The following DGKB variants were observed in gnomAD, a reference collection of about 807,000 sequenced individuals.
The protein encoded by DGKB is diacylglycerol kinase beta.
In DGKB, 67 loss-of-function variants were observed where a neutral mutation model predicts 114.3. That is an observed-to-expected ratio of 0.59 (90% CI 0.48 to 0.72). The LOEUF is 0.72. Ranked by LOEUF, DGKB falls within the 30% of genes least tolerant of loss-of-function variation. The probability of loss-of-function intolerance (pLI) is 0.00; values close to 1 mark genes in which losing one functional copy is unlikely to be tolerated. For synonymous variants in DGKB, 398 were observed against 323.1 expected (o/e 1.23, Z -2.49); for missense variants, 907 against 975.2 (o/e 0.93, Z 0.93).
At chr7:14,849,307 T>G (rs1275527093) in intron 1 of DGKB, among the ~76,000 whole-genome samples, 1 of 147,946 alleles carries the variant, frequency 6.8e-6, no homozygotes, top group Non-Finnish European at 1.5e-5. Context: ...AATTTGAATA[T>G]TTGTCCCCCT....
At chr7:14,531,137 C>G (rs10272545) in intron 20 of DGKB, among the ~76,000 whole-genome samples, 1 of 151,410 alleles carries the variant, frequency 6.6e-6, no homozygotes, top group Non-Finnish European at 1.5e-5. Flanking sequence ...AAAGGGAATG[C>G]TGACTTTTAC....
chr7:14,658,761 A>G (rs1447999523), intron 13 of DGKB, among the ~76,000 whole-genome samples: 2 of 151,874 alleles, frequency 1.3e-5, no homozygotes, highest in African/African-American at 2.4e-5. Context: ...TGATTTAAAA[A>G]TTACGTTTAT....
chr7:14,462,744 T>A (rs1201660937), intron 21 of DGKB, among the ~76,000 whole-genome samples: 1 of 152,140 alleles, frequency 6.6e-6, no homozygotes, highest in Non-Finnish European at 1.5e-5. Context: ...AAAACTACTT[T>A]AAATTTCATA....
rs1800909812 is a variant in DGKB, at chr7:14,286,572, T to G, written c.2122+51943A>C. ...GTCACATAATGGAAAAGTTTGCTTG[T>G]GAACTTATATCTGACTTTGTTACTT... is the stretch of plus-strand genomic sequence containing the variant. On this transcript the variant is annotated intron_variant, in intron 23 of 25. Transcript: ENST00000402815. 1.3e-5 allele frequency among the ~76,000 whole-genome samples: 2 copies of G among 152,178 alleles called. 1 individual carries two copies. The highest frequency in any genetic ancestry group is 4.1e-4 in the South Asian group (2 of 4,836).
chr7:14,271,492 A>G (rs1428549052), intron 23 of DGKB, among the ~76,000 whole-genome samples: 1 of 152,202 alleles, frequency 6.6e-6, no homozygotes. Context: ...ACACAATTTA[A>G]TAACAGGGCA....
At chr7:14,821,146 T>C (rs186213570) in intron 2 of DGKB, among the ~76,000 whole-genome samples, 4 of 152,316 alleles carry the variant, frequency 2.6e-5, no homozygotes, top group African/African-American at 7.2e-5. Flanking sequence ...TAGAAGAGTT[T>C]ATTTTTGTAT....
chr7:14,633,915 G>C (rs1810237431), intron 13 of DGKB, among the ~76,000 whole-genome samples: 1 of 151,344 alleles, frequency 6.6e-6, no homozygotes, highest in South Asian at 2.1e-4. Context: ...TTATTCTTAA[G>C]TATTAGGATA....
chr7:14,635,001 ATAAAT>A (rs1810461875), intron 13 of DGKB, among the ~76,000 whole-genome samples: 1 of 151,588 alleles, frequency 6.6e-6, no homozygotes, highest in Admixed American at 6.6e-5. Flanking sequence ...GAAAAGAAAC[ATAAAT>A]TATTTTTCTT....
At chr7:14,915,566 G>A (rs964847018) in intron 1 of DGKB, among the ~76,000 whole-genome samples, 1 of 152,270 alleles carries the variant, frequency 6.6e-6, no homozygotes, top group South Asian at 2.1e-4. Flanking sequence ...ATTGACAAAT[G>A]TGAGAAAATA....
intron 23 of DGKB, among the ~76,000 whole-genome samples, chr7:14,283,092 A>T (rs1360512591): frequency 6.6e-6 from 1 of 151,794 alleles, no homozygotes; most frequent in East Asian, 1.9e-4. Context: ...TGCAGATGAC[A>T]TGATTATATA....
At chr7:14,382,269 A>G (rs1190847093) in intron 21 of DGKB, among the ~76,000 whole-genome samples, 5 of 152,030 alleles carry the variant, frequency 3.3e-5, no homozygotes, top group Non-Finnish European at 7.4e-5. Flanking sequence ...GCCCTTGTGC[A>G]CAGATATACA....
At chr7:14,616,239 T>C (rs146365793) in intron 15 of DGKB, among the ~76,000 whole-genome samples, 38 of 148,632 alleles carry the variant, frequency 2.6e-4, no homozygotes, top group Middle Eastern at 7.1e-3. Flanking sequence ...TATATATATA[T>C]ACACACAATA....
At chr7:14,819,730 T>C (rs1399993484) in intron 2 of DGKB, among the ~76,000 whole-genome samples, 2 of 152,146 alleles carry the variant, frequency 1.3e-5, no homozygotes, top group African/African-American at 2.4e-5. Context: ...GTTGTATGGT[T>C]TGTAGAGTTA....
At position 14,283,356 on chromosome 7, in the gene DGKB, C is replaced by A. The variant is rs1418249187; in HGVS notation, c.2122+55159G>T. Among the ~76,000 whole-genome samples, 588 of 150,904 alleles carry A rather than the reference C, an allele frequency of 3.9e-3. 3 individuals are homozygous for A. Among genetic ancestry groups the A allele is most frequent in the African/African-American group, 0.014 (554 of 40,978 alleles). ...GAACTACAAACCACTGCTCAAGGAA[C>A]TAAAAGAGGATACACACAAATGGAA... On this transcript the variant is annotated intron_variant, in intron 23 of 25. Coordinates refer to ENST00000402815, the MANE Select transcript of DGKB (RefSeq NM_001350709.2).
At chr7:14,668,727 C>G (rs1230684642) in intron 13 of DGKB, among the ~76,000 whole-genome samples, 1 of 152,072 alleles carries the variant, frequency 6.6e-6, no homozygotes, top group Non-Finnish European at 1.5e-5. Flanking sequence ...TTTCTAAAAT[C>G]TATTACTGTA....
At chr7:14,269,969 T>G (rs1445050391) in intron 23 of DGKB, among the ~76,000 whole-genome samples, 1 of 147,200 alleles carries the variant, frequency 6.8e-6, no homozygotes, top group Non-Finnish European at 1.5e-5. Context: ...CTTGGCAAGA[T>G]TAAAATGTAC....
At chr7:14,289,094 A>G (rs972407590) in intron 23 of DGKB, among the ~76,000 whole-genome samples, 1 of 152,220 alleles carries the variant, frequency 6.6e-6, no homozygotes, top group Non-Finnish European at 1.5e-5. Context: ...CATATTGTTT[A>G]TTATAGAATG....
intron 2 of DGKB, among the ~76,000 whole-genome samples, chr7:14,790,723 T>C (rs1453227509): frequency 1.3e-5 from 2 of 152,144 alleles, no homozygotes; most frequent in Non-Finnish European, 2.9e-5. Flanking sequence ...AGTAAGGTCT[T>C]AAAATTGGGT....
intron 23 of DGKB, among the ~76,000 whole-genome samples, chr7:14,229,045 G>A (rs1019664250): frequency 6.6e-6 from 1 of 151,970 alleles, no homozygotes; most frequent in African/African-American, 2.4e-5. Context: ...CAATGTATAT[G>A]TATGAGAAAA....
Sources: gnomAD v4.1 joint callset for allele counts (sites outside exome capture counted in the v4.1 genomes callset) on GRCh38, gnomAD v4.1.1 for gene constraint, MANE v1.5 for transcripts, NCBI Gene and HGNC (gene_info 2026-07-23, HGNC 2026-07-21) for gene names.